UGT1A10: variants seen among roughly 807,000 people sequenced by gnomAD.
UGT1A10 encodes UDP glucuronosyltransferase family 1 member A10.
A neutral mutation model predicts 45.8 loss-of-function variants in UGT1A10; 49 were observed. The observed-to-expected ratio is 1.07, with a 90% CI of 0.85 to 1.36. The LOEUF (loss-of-function observed/expected upper bound fraction) is 1.36. UGT1A10 is among the 40% of genes most tolerant of loss of function. The probability of loss-of-function intolerance (pLI) is 0.00; values close to 1 mark genes in which losing one functional copy is unlikely to be tolerated. For missense variants in UGT1A10, 745 were observed against 668.6 expected (o/e 1.11, Z -1.26); for synonymous variants, 284 against 249.7 (o/e 1.14, Z -1.29).
chr2:233,702,196 C>G lies in UGT1A10; in HGVS notation c.855+64819C>G, dbSNP rs575062785. On this transcript the variant is annotated intron_variant, in intron 1 of 4. Coordinates refer to ENST00000344644, the MANE Select transcript of UGT1A10 (RefSeq NM_019075.4). ...TTTCTCTCCTTCCTCCAGCCCCTGG[C>G]AGCCATTAATCAACTTTCTGTCCTT... Among the ~76,000 whole-genome samples, 5 of 152,328 alleles carry G rather than the reference C, an allele frequency of 3.3e-5. No individual in the cohort carries two copies. The South Asian group carries it at 1.0e-3, about 32-fold the overall frequency.
intron 1 of UGT1A10, among the ~76,000 whole-genome samples, chr2:233,759,123 C>G (rs1197152658): frequency 6.6e-6 from 1 of 152,198 alleles, no homozygotes; most frequent in East Asian, 1.9e-4. Flanking sequence ...GAGTTACAGC[C>G]TCTGGTACGC....
intron 1 of UGT1A10, among the ~76,000 whole-genome samples, chr2:233,744,210 A>G (rs564002534): frequency 6.6e-6 from 1 of 151,916 alleles, no homozygotes; most frequent in South Asian, 2.1e-4. Flanking sequence ...TGGGAAAAAG[A>G]GGTTGGGGAA....
chr2:233,713,335 C>T (rs770287319), intron 1 of UGT1A10: 88 of 1,614,020 alleles, frequency 5.5e-5, no homozygotes, highest in Non-Finnish European at 7.0e-5. Context: ...AGAAGAATGG[C>T]AATTATGAAC....
At chr2:233,759,130 A>T (rs1697062304) in intron 1 of UGT1A10, among the ~76,000 whole-genome samples, 1 of 152,244 alleles carries the variant, frequency 6.6e-6, no homozygotes, top group Non-Finnish European at 1.5e-5. Flanking sequence ...AGCCTCTGGT[A>T]CGCAATGAAG....
chr2:233,675,403 G>A lies in UGT1A10; in HGVS notation c.855+38026G>A, dbSNP rs373931415. Among the ~76,000 whole-genome samples, 89 of 152,280 alleles carry A rather than the reference G, an allele frequency of 5.8e-4. No individual in the cohort carries two copies. In the South Asian group the frequency reaches 0.018, roughly 31 times the overall value. ...TCCCTAGTCTTTTTGAATTTTTGAT[G>A]AGTTCCAACAGAATTAATGACTGGT... On this transcript the variant is annotated intron_variant, in intron 1 of 4. Transcript: ENST00000344644.
At chr2:233,754,243 C>T (rs1695428431) in intron 1 of UGT1A10, 1 of 170,446 alleles carries the variant, frequency 5.9e-6, no homozygotes. Flanking sequence ...CTCACACTTT[C>T]CCAACGGAAA....
intron 1 of UGT1A10, chr2:233,718,953 C>A (rs369434904): frequency 1.2e-6 from 2 of 1,614,166 alleles, no homozygotes; most frequent in East Asian, 4.5e-5. Flanking sequence ...GCTCAGCATG[C>A]GGGAGGCCTT....
In UGT1A10 at chr2:233,637,355, A is replaced by G. The variant is rs775156571; in HGVS notation, c.833A>G (p.His278Arg). The change falls in exon 1 of 5, where the codon CAT (histidine) becomes CGT (arginine). Residue 278 changes from histidine (H) to arginine (R), a missense_variant. His to Arg is a conservative substitution (Grantham distance 29, BLOSUM62 0). Coordinates refer to ENST00000344644, the MANE Select transcript of UGT1A10 (RefSeq NM_019075.4). Reference sequence around the variant, plus strand: ...ATCTTCATTGGTGGTATCAACTGTCATCAGGGAAAGCCATTGCCTATGGTA... The same window carrying G: ...ATCTTCATTGGTGGTATCAACTGTCGTCAGGGAAAGCCATTGCCTATGGTA... ...NMIFIGGINC[H>R]QGKPLPMEFE... The G allele has an allele frequency of 5.0e-6, 8 of 1,613,588 alleles. No individual in the cohort carries two copies. Among genetic ancestry groups the G allele is most frequent in the South Asian group, 4.4e-5 (4 of 91,032 alleles).
At position 233,637,156 on chromosome 2, in the gene UGT1A10, G is replaced by C. The variant is rs139087628; in HGVS notation, c.634G>C (p.Val212Leu). The C allele has an allele frequency of 6.2e-7, 1 of 1,613,912 alleles. No homozygotes were observed. The highest frequency in any genetic ancestry group is 1.7e-5 in the Admixed American group (1 of 60,014). The change falls in exon 1 of 5, where the codon GTG (valine) becomes CTG (leucine). Residue 212 changes from valine (V) to leucine (L), a missense_variant. Val to Leu is a conservative substitution (Grantham distance 32). Transcript: ENST00000344644. The part of the protein sequence containing the change: ...TFKERVWNHI[V>L]HLEDHLFCQY... ...CAAGGAGAGAGTATGGAACCACATC[G>C]TGCACTTGGAGGACCATTTATTTTG...
intron 1 of UGT1A10, among the ~76,000 whole-genome samples, chr2:233,750,901 C>T (rs2125907846): frequency 6.6e-6 from 1 of 152,000 alleles, no homozygotes; most frequent in South Asian, 2.1e-4. Flanking sequence ...AGAACCTCTG[C>T]TAGAGAAGGG....
chr2:233,675,503 A>G (rs1249036986), intron 1 of UGT1A10, among the ~76,000 whole-genome samples: 1 of 152,208 alleles, frequency 6.6e-6, no homozygotes, highest in Admixed American at 6.5e-5. Context: ...ATATGGTTAC[A>G]GATAAATAAG....
chr2:233,731,059 T>C (rs1284464869), intron 1 of UGT1A10, among the ~76,000 whole-genome samples: 2 of 152,240 alleles, frequency 1.3e-5, no homozygotes, highest in African/African-American at 2.4e-5. Flanking sequence ...TGTATGAACT[T>C]CCATGATTTA....
intron 1 of UGT1A10, among the ~76,000 whole-genome samples, chr2:233,709,056 C>T (rs1379760396): frequency 3.9e-5 from 6 of 152,080 alleles, no homozygotes; most frequent in Admixed American, 1.3e-4. Context: ...CCCAGGATTC[C>T]TAGTTAAAGT....
At chr2:233,725,270 A>AGAGGCAGAG (rs2077418450) in intron 1 of UGT1A10, among the ~76,000 whole-genome samples, 1 of 37,556 alleles carries the variant, frequency 2.7e-5, no homozygotes, top group Non-Finnish European at 5.1e-5. Flanking sequence ...CAGAGGAGGC[A>AGAGGCAGAG]GAGGCAGAGG....
chr2:233,696,633 T>C (rs1245843858), intron 1 of UGT1A10, among the ~76,000 whole-genome samples: 3 of 152,220 alleles, frequency 2.0e-5, no homozygotes, highest in East Asian at 3.9e-4. Flanking sequence ...TCTTGCTTAA[T>C]TGCTTTGGAT....
intron 1 of UGT1A10, among the ~76,000 whole-genome samples, chr2:233,735,232 C>A (rs1233403714): frequency 6.6e-6 from 1 of 152,064 alleles, no homozygotes; most frequent in Admixed American, 6.5e-5. Context: ...GGATAGTTAG[C>A]TCTTGTTGTT....
intron 1 of UGT1A10, among the ~76,000 whole-genome samples, chr2:233,679,835 T>C (rs758637237): frequency 9.9e-5 from 15 of 152,186 alleles, no homozygotes; most frequent in Non-Finnish European, 1.8e-4. Context: ...CTTTAATTTT[T>C]CTCAAATCAC....
At chr2:233,660,662 A>G (rs1361148449) in intron 1 of UGT1A10, among the ~76,000 whole-genome samples, 2 of 152,208 alleles carry the variant, frequency 1.3e-5, no homozygotes, top group Non-Finnish European at 2.9e-5. Context: ...TTTGCATAAG[A>G]CGACAGAGTT....
Position 233,637,383 on chromosome 2 carries a change from T to C in UGT1A10, c.855+6T>C. The C allele has an allele frequency of 6.2e-7, 1 of 1,610,770 alleles. No individual in the cohort carries two copies. Among genetic ancestry groups the C allele is most frequent in the Non-Finnish European group, 8.5e-7 (1 of 1,177,670 alleles). ...AGGGAAAGCCATTGCCTATGGTAAG[T>C]CACCTCTCCTTTAGCACATTAAGAA... On this transcript the variant is annotated splice_donor_region_variant and intron_variant, in intron 1 of 4. Coordinates refer to ENST00000344644, the MANE Select transcript of UGT1A10 (RefSeq NM_019075.4).
Sources: gnomAD v4.1 joint callset for allele counts (sites outside exome capture counted in the v4.1 genomes callset) on GRCh38, gnomAD v4.1.1 for gene constraint, MANE v1.5 for transcripts, NCBI Gene and HGNC (gene_info 2026-07-23, HGNC 2026-07-21) for gene names.